MACROD2: variants seen among roughly 807,000 people sequenced by gnomAD.
The protein encoded by MACROD2 is mono-ADP ribosylhydrolase 2.
Under a neutral mutation model 70.4 loss-of-function variants are expected in MACROD2, and 36 were observed. The ratio of observed to expected loss-of-function variants is 0.51; its 90% CI spans 0.39 to 0.68. MACROD2 has a LOEUF of 0.68. Among genes scored for constraint, MACROD2 ranks in the 30% least tolerant of loss-of-function variants. The probability of loss-of-function intolerance (pLI) is 0.00; values close to 1 mark genes in which losing one functional copy is unlikely to be tolerated. For synonymous variants in MACROD2, 172 were observed against 178.8 expected, an observed-to-expected ratio of 0.96 and a Z score of 0.30; for missense variants, 496 against 538.4, an observed-to-expected ratio of 0.92 and a Z score of 0.78.
At chr20:15,599,087 T>G (rs574608547) in intron 8 of MACROD2, among the ~76,000 whole-genome samples, 1 of 152,014 alleles carries the variant, frequency 6.6e-6, no homozygotes, top group Non-Finnish European at 1.5e-5. Context: ...CAGTTTAAAG[T>G]GTTTAAATTG....
intron 9 of MACROD2, among the ~76,000 whole-genome samples, chr20:15,870,127 A>G (rs6110807): frequency 0.67 from 102,481 of 151,862 alleles, 37,041 homozygotes; most frequent in Non-Finnish European, 0.8. Context: ...TGTAATAAAT[A>G]TTATTGATAT....
chr20:15,580,923 C>A (rs930754625), intron 8 of MACROD2, among the ~76,000 whole-genome samples: 5 of 152,174 alleles, frequency 3.3e-5, no homozygotes, highest in African/African-American at 1.2e-4. Flanking sequence ...GCCTGCACAA[C>A]AGACAATGGT....
At chr20:14,247,943 T>A (rs1475733722) in intron 3 of MACROD2, among the ~76,000 whole-genome samples, 1 of 152,194 alleles carries the variant, frequency 6.6e-6, no homozygotes, top group Non-Finnish European at 1.5e-5. Context: ...AGCCTTTTAA[T>A]CAAAACACAG....
At chr20:15,168,670 A>G (rs1409310775) in intron 5 of MACROD2, among the ~76,000 whole-genome samples, 1 of 152,122 alleles carries the variant, frequency 6.6e-6, no homozygotes, top group Non-Finnish European at 1.5e-5. Context: ...GATACATTCA[A>G]TGAAATATTA....
intron 2 of MACROD2, among the ~76,000 whole-genome samples, chr20:14,005,670 T>C (rs2052806916): frequency 6.6e-6 from 1 of 152,078 alleles, no homozygotes; most frequent in South Asian, 2.1e-4. Flanking sequence ...TGGCGCGATG[T>C]GGGCTCACTA....
chr20:15,299,821 T>C (rs1489609955), intron 6 of MACROD2, among the ~76,000 whole-genome samples: 3 of 152,180 alleles, frequency 2.0e-5, no homozygotes, highest in African/African-American at 7.2e-5. Context: ...CATGGATGGG[T>C]ATGGGAACCC....
intron 2 of MACROD2, among the ~76,000 whole-genome samples, chr20:14,050,473 C>T (rs1253537316): frequency 6.6e-6 from 1 of 152,126 alleles, no homozygotes; most frequent in Non-Finnish European, 1.5e-5. Flanking sequence ...ATCTGCTCTC[C>T]CATTCAGGGA....
chr20:14,614,343 C>A (rs1047453225), intron 4 of MACROD2, among the ~76,000 whole-genome samples: 1 of 152,224 alleles, frequency 6.6e-6, no homozygotes, highest in African/African-American at 2.4e-5. Context: ...CAGTGGTTCT[C>A]CACGTTGGTG....
chr20:15,370,057 C>A (rs561991390), intron 6 of MACROD2, among the ~76,000 whole-genome samples: 1 of 151,978 alleles, frequency 6.6e-6, no homozygotes, highest in African/African-American at 2.4e-5. Flanking sequence ...TTAGTATATA[C>A]CTTGGAATTT....
intron 7 of MACROD2, among the ~76,000 whole-genome samples, chr20:15,496,776 G>C (rs1349732682): frequency 6.6e-6 from 1 of 152,192 alleles, no homozygotes; most frequent in Non-Finnish European, 1.5e-5. Flanking sequence ...TAAGGTGCCT[G>C]TGTTTATTCT....
At chr20:15,199,412 G>A (rs2076636484) in intron 5 of MACROD2, among the ~76,000 whole-genome samples, 1 of 152,096 alleles carries the variant, frequency 6.6e-6, no homozygotes, top group Admixed American at 6.6e-5. Flanking sequence ...GTATGTATGT[G>A]TGACTCCAGG....
chr20:14,991,815 G>A (rs17354891), intron 5 of MACROD2, among the ~76,000 whole-genome samples: 6,923 of 152,150 alleles, frequency 0.046, 188 homozygotes, highest in Non-Finnish European at 0.066. Context: ...AATTTGCACC[G>A]CCTTAATTAA....
At chr20:15,242,451 T>G (rs749516352) in intron 6 of MACROD2, among the ~76,000 whole-genome samples, 1 of 152,226 alleles carries the variant, frequency 6.6e-6, no homozygotes, top group Non-Finnish European at 1.5e-5. Flanking sequence ...AATAAGTGTT[T>G]GAGAATTTCT....
At chr20:14,476,327 G>C (rs1047950438) in intron 3 of MACROD2, among the ~76,000 whole-genome samples, 1 of 152,096 alleles carries the variant, frequency 6.6e-6, no homozygotes, top group East Asian at 1.9e-4. Flanking sequence ...TTGTAGCTTA[G>C]AAATGAATAA....
At chr20:15,195,028 C>T (rs549502206) in intron 5 of MACROD2, among the ~76,000 whole-genome samples, 3 of 152,212 alleles carry the variant, frequency 2.0e-5, no homozygotes, top group East Asian at 3.9e-4. Context: ...ACTGGCTAGC[C>T]ATATGCAGAA....
intron 5 of MACROD2, among the ~76,000 whole-genome samples, chr20:14,748,090 G>A (rs2071823166): frequency 6.6e-6 from 1 of 151,978 alleles, no homozygotes; most frequent in South Asian, 2.1e-4. Flanking sequence ...ATTCTCATAG[G>A]AGGATCCTTG....
chr20:15,473,812 C>T (rs1335806395), intron 7 of MACROD2, among the ~76,000 whole-genome samples: 2 of 152,144 alleles, frequency 1.3e-5, no homozygotes, highest in African/African-American at 4.8e-5. Context: ...GTGATATCCA[C>T]GTGGGTTTAC....
intron 5 of MACROD2, among the ~76,000 whole-genome samples, chr20:15,015,960 G>A (rs1449323220): frequency 2.0e-5 from 3 of 152,178 alleles, no homozygotes; most frequent in Non-Finnish European, 2.9e-5. Context: ...GAAAACGGAA[G>A]CTTCTTGGAA....
At chr20:14,898,795 T>C (rs2073860930) in intron 5 of MACROD2, among the ~76,000 whole-genome samples, 1 of 152,116 alleles carries the variant, frequency 6.6e-6, no homozygotes, top group African/African-American at 2.4e-5. Flanking sequence ...GTTTAGGTGA[T>C]GTACCAGTTC....
Sources: gnomAD v4.1 joint callset for allele counts (sites outside exome capture counted in the v4.1 genomes callset) on GRCh38, gnomAD v4.1.1 for gene constraint, MANE v1.5 for transcripts, NCBI Gene and HGNC (gene_info 2026-07-23, HGNC 2026-07-21) for gene names.